The following RFX8 variants were observed in gnomAD, a reference collection of about 807,000 sequenced individuals.
The protein encoded by RFX8 is DNA-binding protein RFX8.
In RFX8, 46 loss-of-function variants were observed where a neutral mutation model predicts 54.6. That is an observed-to-expected ratio of 0.84 (90% CI 0.67 to 1.08). RFX8 has a LOEUF of 1.08. Ranked by LOEUF, RFX8 falls within the 50% of genes least tolerant of loss-of-function variation. RFX8 has a pLI of 0.00. For missense variants in RFX8, 536 were observed against 562.3 expected, an observed-to-expected ratio of 0.95 and a Z score of 0.47; for synonymous variants, 192 against 209.5, an observed-to-expected ratio of 0.92 and a Z score of 0.72.
chr2:101,405,434 A>T (rs1385750104), intron 10 of RFX8, among the ~76,000 whole-genome samples: 1 of 152,162 alleles, frequency 6.6e-6, no homozygotes, highest in African/African-American at 2.4e-5. Flanking sequence ...GGTGTGAGCC[A>T]CAGCACCCAA....
intron 2 of RFX8, among the ~76,000 whole-genome samples, chr2:101,423,368 G>A (rs1686980414): frequency 6.6e-6 from 1 of 152,078 alleles, no homozygotes; most frequent in South Asian, 2.1e-4. Flanking sequence ...CACTCATGCT[G>A]CTGTCCCCTC....
intron 10 of RFX8, among the ~76,000 whole-genome samples, chr2:101,403,960 CA>C (rs1024745187): frequency 6.6e-6 from 1 of 152,112 alleles, no homozygotes; most frequent in East Asian, 1.9e-4. Context: ...CAAATAGATG[CA>C]AAAGGGATCT....
chr2:101,460,186 C>T (rs1689189832), intron 2 of RFX8, among the ~76,000 whole-genome samples: 2 of 137,432 alleles, frequency 1.5e-5, no homozygotes, highest in Admixed American at 7.2e-5. Flanking sequence ...TATCCCCCGA[C>T]ATCTTGAGCT....
intron 2 of RFX8, among the ~76,000 whole-genome samples, chr2:101,453,012 G>A: frequency 7.7e-6 from 1 of 130,466 alleles, no homozygotes; most frequent in Admixed American, 7.5e-5. Flanking sequence ...GGCTGAGGCA[G>A]GAAGCTACTA....
chr2:101,456,484 C>T (rs1289723587), intron 2 of RFX8, among the ~76,000 whole-genome samples: 2 of 152,050 alleles, frequency 1.3e-5, no homozygotes, highest in Non-Finnish European at 2.9e-5. Context: ...GTGGTTTTGT[C>T]GTTGGTTCTG....
chr2:101,417,820 A>G, intron 5 of RFX8, 136 bp from the exon 6 acceptor site: 1 of 558,356 alleles, frequency 1.8e-6, no homozygotes, highest in Non-Finnish European at 3.0e-6. Context: ...GGGCAGCACC[A>G]TGCAACGTGG....
intron 4 of RFX8, among the ~76,000 whole-genome samples, chr2:101,419,217 A>C (rs550544734): frequency 8.5e-5 from 13 of 152,306 alleles, no homozygotes; most frequent in Admixed American, 7.2e-4. Flanking sequence ...AGTTTCTAGA[A>C]GGGAAGCTGT....
intron 2 of RFX8, among the ~76,000 whole-genome samples, chr2:101,439,910 C>T (rs1687999439): frequency 6.6e-6 from 1 of 152,144 alleles, no homozygotes; most frequent in African/African-American, 2.4e-5. Flanking sequence ...CACTCAGTTC[C>T]AGTGATCGGT....
intron 10 of RFX8, among the ~76,000 whole-genome samples, chr2:101,404,716 C>T (rs1261587174): frequency 6.6e-6 from 1 of 151,916 alleles, no homozygotes; most frequent in Non-Finnish European, 1.5e-5. Flanking sequence ...TGTGAGCCAC[C>T]ACACCCGGCT....
rs987225186 is a variant in RFX8, at chr2:101,474,950, A to T, written c.-367T>A. 6.6e-6 allele frequency among the ~76,000 whole-genome samples: 1 copy of T among 152,314 alleles called. No individual in the cohort carries two copies. The highest frequency in any genetic ancestry group is 1.9e-4 in the East Asian group (1 of 5,178). On this transcript the variant is annotated 5_prime_UTR_variant, in exon 1 of 12. Transcript: ENST00000428343. ...TCTGGACTTCTAGGAGGCTGGTCCC[A>T]GGTGACTCCAGTGTGCTGCTCCAGG...
At chr2:101,410,771 T>G in intron 8 of RFX8, 58 bp from the exon 9 acceptor site, 9 of 914,822 alleles carry the variant, frequency 9.8e-6, no homozygotes, top group African/African-American at 1.7e-5. Context: ...AGAATTTCTC[T>G]TAGGTATTTG....
At chr2:101,403,251 G>A (rs1685549281) in intron 10 of RFX8, among the ~76,000 whole-genome samples, 1 of 152,188 alleles carries the variant, frequency 6.6e-6, no homozygotes, top group Non-Finnish European at 1.5e-5. Context: ...TGGGTAAGGA[G>A]GCCAGCTGGC....
chr2:101,461,441 T>C (rs1397771051), intron 2 of RFX8, among the ~76,000 whole-genome samples: 1 of 152,124 alleles, frequency 6.6e-6, no homozygotes, highest in Non-Finnish European at 1.5e-5. Flanking sequence ...AGCCTTCCTA[T>C]ATGTTTAGTT....
chr2:101,403,962 AAAG>A (rs1397327404), intron 10 of RFX8, among the ~76,000 whole-genome samples: 1 of 152,188 alleles, frequency 6.6e-6, no homozygotes, highest in Non-Finnish European at 1.5e-5. Flanking sequence ...AATAGATGCA[AAAG>A]GGATCTGTCC....
At chr2:101,412,168 C>T (rs114541684) in intron 8 of RFX8, among the ~76,000 whole-genome samples, 1,832 of 152,244 alleles carry the variant, frequency 0.012, 47 homozygotes, top group African/African-American at 0.042. Flanking sequence ...GGGAGCCTGG[C>T]ACCCTCCCTG....
In RFX8 at chr2:101,421,665, T is replaced by C. The variant is rs771712651; in HGVS notation, c.237+59A>G. 28 of 1,519,034 alleles carry C rather than the reference T, an allele frequency of 1.8e-5. No individual in the cohort carries two copies. In the African/African-American group the frequency reaches 2.7e-4, roughly 14 times the overall value. 94.1% of individuals were successfully genotyped at this position (1,519,034 alleles called of 1,614,324 possible). A position where few individuals can be genotyped will look rare whatever the true frequency, so the allele number is the denominator to read the frequency against. On this transcript the variant is annotated intron_variant, in intron 4 of 11. Transcript: ENST00000428343. ...TCAAATAAAAATGATTAATAAGGAG[T>C]CATAAATGCTTGTATTTTATAGATA...
intron 6 of RFX8, among the ~76,000 whole-genome samples, chr2:101,416,354 G>A (rs1686511699): frequency 6.6e-6 from 1 of 152,168 alleles, no homozygotes; most frequent in Non-Finnish European, 1.5e-5. Flanking sequence ...GCAAGTCCCA[G>A]TCTCACCTTC....
At chr2:101,433,267 G>A (rs941865529) in intron 2 of RFX8, among the ~76,000 whole-genome samples, 5 of 152,070 alleles carry the variant, frequency 3.3e-5, no homozygotes, top group Admixed American at 2.6e-4. Flanking sequence ...CTGGAACACG[G>A]GGACTCAGAG....
At position 101,408,984 on chromosome 2, in the gene RFX8, G is replaced by A. The variant is rs541765696; in HGVS notation, c.813+1635C>T. Reference sequence around the variant, plus strand: ...CCACGCTTCCAGCCCCAGGCCCTCGGAGTCTTTGCTCTCTCCACCAGTGTG... The same window carrying A: ...CCACGCTTCCAGCCCCAGGCCCTCGAAGTCTTTGCTCTCTCCACCAGTGTG... On this transcript the variant is annotated intron_variant, in intron 9 of 11. Transcript: ENST00000428343. Among the ~76,000 whole-genome samples, 8 of 152,314 alleles carry A rather than the reference G, an allele frequency of 5.3e-5. No individual in the cohort carries two copies. In the East Asian group the frequency reaches 1.2e-3, roughly 22 times the overall value.
Sources: gnomAD v4.1 joint callset for allele counts (sites outside exome capture counted in the v4.1 genomes callset) on GRCh38, gnomAD v4.1.1 for gene constraint, MANE v1.5 for transcripts, NCBI Gene and HGNC (gene_info 2026-07-23, HGNC 2026-07-21) for gene names.